The following ATRIP variants were observed in gnomAD, a reference collection of about 807,000 sequenced individuals.
The protein encoded by ATRIP is ATR-interacting protein.
ATRIP carries 44 observed loss-of-function variants against 78.1 expected under a neutral mutation model. The observed-to-expected ratio is 0.56, with a 90% CI of 0.44 to 0.72. ATRIP has a LOEUF of 0.72. Among genes scored for constraint, ATRIP ranks in the 30% least tolerant of loss-of-function variants. The probability of loss-of-function intolerance (pLI) is 0.00; values close to 1 mark genes in which losing one functional copy is unlikely to be tolerated. For missense variants in ATRIP, 927 were observed against 980.2 expected, an observed-to-expected ratio of 0.95 and a Z score of 0.72; for synonymous variants, 388 against 408.9, an observed-to-expected ratio of 0.95 and a Z score of 0.62.
At chr3:48,458,965 A>C (rs112369074) in intron 5 of ATRIP, among the ~76,000 whole-genome samples, 15 of 152,334 alleles carry the variant, frequency 9.8e-5, no homozygotes, top group African/African-American at 3.6e-4. Context: ...CAAGTCCTTT[A>C]GTCTCTGTGC....
chr3:48,454,543 T>C, intron 4 of ATRIP, 125 bp downstream of exon 4: 1 of 638,466 alleles, frequency 1.6e-6, no homozygotes, highest in Non-Finnish European at 2.7e-6. Flanking sequence ...GATCCTCTTT[T>C]CCTGAAGGAT....
At chr3:48,450,619 G>A in intron 2 of ATRIP, 3 of 1,052,278 alleles carry the variant, frequency 2.9e-6, no homozygotes, top group Non-Finnish European at 3.8e-6. Context: ...TGGAGATGGA[G>A]TCTGTCATCC....
Position 48,450,082 on chromosome 3 carries a change from C to T in ATRIP, c.293C>T (p.Pro98Leu), listed in dbSNP as rs1359226906. The change falls in exon 2 of 13, where the codon CCT becomes CTT. Residue 98 changes from proline (P) to leucine (L), a missense_variant. By Grantham distance (98) the Pro-to-Leu change is moderately conservative. Transcript: ENST00000320211. ...HRLLDGMSKNPSGKNRETVPI... is the reference protein window; with the variant it reads ...HRLLDGMSKNLSGKNRETVPI... ...TTATTAGATGGCATGTCAAAAAATCCTTCAGGGAAAAACAGAGAAACTGTT... is the reference window on the plus strand; with the variant it reads ...TTATTAGATGGCATGTCAAAAAATCTTTCAGGGAAAAACAGAGAAACTGTT... The T allele has an allele frequency of 2.5e-6, 4 of 1,613,312 alleles. No homozygotes were observed. The highest frequency in any genetic ancestry group is 3.3e-5 in the Admixed American group (2 of 59,926).
chr3:48,447,026 G>A lies in ATRIP; in HGVS notation c.181G>A (p.Glu61Lys), dbSNP rs777683743. ...TGGGGACTTCACTGCCGACGACCTGGAGGAGCTTGACACCCTCGCGTCACA... is the reference window on the plus strand; with the variant it reads ...TGGGGACTTCACTGCCGACGACCTGAAGGAGCTTGACACCCTCGCGTCACA... The part of the protein sequence containing the change: ...AHGDFTADDL[E>K]ELDTLASQAL... The change falls in exon 1 of 13, where the codon GAG becomes AAG. Residue 61 changes from glutamate (E) to lysine (K), a missense_variant. Physicochemically the swap from Glu to Lys is moderately conservative, Grantham distance 56. Coordinates refer to ENST00000320211, the MANE Select transcript of ATRIP (RefSeq NM_130384.3). 11 of 1,574,762 alleles carry A rather than the reference G, an allele frequency of 7.0e-6. No individual in the cohort carries two copies. In the Admixed American group the frequency reaches 1.6e-4, roughly 23 times the overall value.
chr3:48,466,130 G>T lies in ATRIP; in HGVS notation c.*576G>T, dbSNP rs886058622. 4.3e-5 allele frequency: 18 copies of T among 420,378 alleles called. No individual in the cohort carries two copies. Among genetic ancestry groups the T allele is most frequent in the African/African-American group, 1.6e-4 (8 of 49,378 alleles). The allele number at this position is 420,378 out of a possible 1,614,324, so 26.0% of individuals were successfully genotyped here. On this transcript the variant is annotated 3_prime_UTR_variant, in exon 13 of 13. Coordinates refer to ENST00000320211, the MANE Select transcript of ATRIP (RefSeq NM_130384.3). ...CCCCCGGGAGCAGGGGAGTGGGTGTGGGGGGGAACGGATGGTGGTGAGAGG... is the reference window on the plus strand; with the variant it reads ...CCCCCGGGAGCAGGGGAGTGGGTGTTGGGGGGAACGGATGGTGGTGAGAGG...
intron 1 of ATRIP, among the ~76,000 whole-genome samples, chr3:48,449,070 G>A (rs1242566080): frequency 6.6e-6 from 1 of 152,136 alleles, no homozygotes; most frequent in East Asian, 1.9e-4. Flanking sequence ...TCTTGGAATT[G>A]GATGAAGGAT....
At chr3:48,453,989 G>T (rs2039894566) in intron 3 of ATRIP, among the ~76,000 whole-genome samples, 1 of 151,872 alleles carries the variant, frequency 6.6e-6, no homozygotes, top group African/African-American at 2.4e-5. Flanking sequence ...CGAACTCCTG[G>T]GCTCAAATGA....
chr3:48,465,594 T>A lies in ATRIP; in HGVS notation c.*40T>A. 1 of 1,553,330 alleles carries A rather than the reference T, an allele frequency of 6.4e-7. No individual in the cohort carries two copies. Among genetic ancestry groups the A allele is most frequent in the Non-Finnish European group, 8.9e-7 (1 of 1,125,134 alleles). On this transcript the variant is annotated 3_prime_UTR_variant, in exon 13 of 13. Transcript: ENST00000320211. ...AGCCACATGGTGGCACCAGCACCACTCCTTTCCTTACCACATCAACTGATT... is the reference window on the plus strand; with the variant it reads ...AGCCACATGGTGGCACCAGCACCACACCTTTCCTTACCACATCAACTGATT...
Position 48,464,278 on chromosome 3 carries a change from G to A in ATRIP, c.1974+146G>A, listed in dbSNP as rs1021713921. On this transcript the variant is annotated intron_variant, in intron 10 of 12. Transcript: ENST00000320211. ...TAAAGCAACTAAAGAGGTAAACTCA[G>A]TTTGGGGGCTGTGCACCACACAGAT... 1.7e-5 allele frequency: 13 copies of A among 782,318 alleles called. No homozygotes were observed. In the Admixed American group the frequency reaches 2.9e-4, roughly 18 times the overall value. The allele number at this position is 782,318 out of a possible 1,614,324, so 48.5% of individuals were successfully genotyped here. A position where few individuals can be genotyped will look rare whatever the true frequency, so the allele number is the denominator to read the frequency against.
intron 5 of ATRIP, among the ~76,000 whole-genome samples, chr3:48,458,197 A>C (rs1286959904): frequency 4.2e-5 from 6 of 142,010 alleles, no homozygotes; most frequent in Non-Finnish European, 6.1e-5. Context: ...CCTGCCTCAG[A>C]CTCCCGAATA....
chr3:48,457,996 G>C (rs2039998705), intron 5 of ATRIP, among the ~76,000 whole-genome samples: 2 of 151,334 alleles, frequency 1.3e-5, no homozygotes, highest in Admixed American at 1.3e-4. Flanking sequence ...TTAGCATTAG[G>C]TATATCTCCT....
At chr3:48,455,077 C>T (rs1024564341) in intron 4 of ATRIP, among the ~76,000 whole-genome samples, 2 of 151,932 alleles carry the variant, frequency 1.3e-5, no homozygotes, top group Non-Finnish European at 2.9e-5. Flanking sequence ...TGGCCAGGCT[C>T]GTCTCAAACT....
rs2040351031 is a variant in ATRIP at position 48,467,085 on chromosome 3, A to C, written c.*1531A>C. The C allele has an allele frequency of 6.2e-7, 1 of 1,613,918 alleles. No homozygotes were observed. The highest frequency in any genetic ancestry group is 8.5e-7 in the Non-Finnish European group (1 of 1,180,028). On this transcript the variant is annotated 3_prime_UTR_variant, in exon 13 of 13. Coordinates refer to ENST00000320211, the MANE Select transcript of ATRIP (RefSeq NM_130384.3). Reference sequence around the variant, plus strand: ...AGCAGAGCTGGCTATGCTGGGCCTCACCAGTGCTCTGGATGGTGCCTTCTG... The same window carrying C: ...AGCAGAGCTGGCTATGCTGGGCCTCCCCAGTGCTCTGGATGGTGCCTTCTG...
At position 48,466,793 on chromosome 3, in the gene ATRIP, C is replaced by T. The variant is rs895463771; in HGVS notation, c.*1239C>T. On this transcript the variant is annotated 3_prime_UTR_variant, in exon 13 of 13. Transcript: ENST00000320211. The stretch of plus-strand genomic sequence containing the variant: ...CTGTCCACAGATGTGCCCTGGAGAG[C>T]CCCCCCACCTCTCAGGGGCCACCTC... 2 of 1,613,686 alleles carry T rather than the reference C, an allele frequency of 1.2e-6. No homozygotes were observed. The highest frequency in any genetic ancestry group is 8.5e-7 in the Non-Finnish European group (1 of 1,180,014).
rs755138065 is a variant in ATRIP, at chr3:48,466,750, C to T, written c.*1196C>T. The T allele has an allele frequency of 1.9e-5, 30 of 1,613,858 alleles. No individual in the cohort carries two copies. The highest frequency in any genetic ancestry group is 8.9e-5 in the East Asian group (4 of 44,874). On this transcript the variant is annotated 3_prime_UTR_variant, in exon 13 of 13. Transcript: ENST00000320211. Reference sequence around the variant, plus strand: ...TTGCCCTTCTCCCAGCCCAAGGTCACGGAGCTGTGCCTGCTGGCTGTCCAC... The same window carrying T: ...TTGCCCTTCTCCCAGCCCAAGGTCATGGAGCTGTGCCTGCTGGCTGTCCAC...
At chr3:48,465,174 G>T in intron 12 of ATRIP, 91 bp downstream of exon 12, 1 of 1,501,872 alleles carries the variant, frequency 6.7e-7, no homozygotes, top group Non-Finnish European at 9.0e-7. Context: ...CCCTCAGCAG[G>T]CCCCCGCCCA....
intron 5 of ATRIP, among the ~76,000 whole-genome samples, chr3:48,457,927 G>A (rs2039995959): frequency 6.6e-6 from 1 of 151,986 alleles, no homozygotes; most frequent in Admixed American, 6.5e-5. Context: ...ACAACGTGCA[G>A]GTGTGTTACG....
At chr3:48,450,581 T>C in intron 2 of ATRIP, 3 of 1,236,380 alleles carry the variant, frequency 2.4e-6, no homozygotes, top group Non-Finnish European at 3.1e-6. Context: ...GCAAGGTATG[T>C]GACCCAGATT....
At position 48,454,314 on chromosome 3, in the gene ATRIP, G is replaced by A. The variant is rs2039902458; in HGVS notation, c.567G>A (p.Gln189=). 30 of 1,610,824 alleles carry A rather than the reference G, an allele frequency of 1.9e-5. No individual in the cohort carries two copies. The East Asian group carries it at 6.5e-4, about 35-fold the overall frequency. Residue 189 remains glutamine (Q), a synonymous_variant, in exon 4 of 13, where the codon CAG becomes CAA. Coordinates refer to ENST00000320211, the MANE Select transcript of ATRIP (RefSeq NM_130384.3). ...TTGCCTTCCAGCTCCAATCATTGCAGTCTGAACTCCAGTTTAAAGATGCAG... is the reference window on the plus strand; with the variant it reads ...TTGCCTTCCAGCTCCAATCATTGCAATCTGAACTCCAGTTTAAAGATGCAG... ...KEFSKKLQSL[Q]SELQFKDAEM...
Sources: gnomAD v4.1 joint callset for allele counts (sites outside exome capture counted in the v4.1 genomes callset) on GRCh38, gnomAD v4.1.1 for gene constraint, MANE v1.5 for transcripts, NCBI Gene and HGNC (gene_info 2026-07-23, HGNC 2026-07-21) for gene names.